The following SLC1A2 variants were observed in gnomAD, a reference collection of about 807,000 sequenced individuals.
The protein encoded by SLC1A2 is solute carrier family 1 member 2, also known as excitatory amino acid transporter 2.
A neutral mutation model predicts 48.8 loss-of-function variants in SLC1A2; 15 were observed. That is an observed-to-expected ratio of 0.31 (90% CI 0.21 to 0.47). The LOEUF (loss-of-function observed/expected upper bound fraction) is 0.47, where lower values mean the gene tolerates loss of function less well. Among genes scored for constraint, SLC1A2 ranks in the 20% least tolerant of loss-of-function variants. SLC1A2 has a pLI of 0.99. For synonymous variants in SLC1A2, 279 were observed against 272.6 expected, an observed-to-expected ratio of 1.02 and a Z score of -0.23; for missense variants, 502 against 730.5, an observed-to-expected ratio of 0.69 and a Z score of 3.61.
chr11:35,350,818 G>T (rs1393474819), intron 1 of SLC1A2, among the ~76,000 whole-genome samples: 3 of 152,196 alleles, frequency 2.0e-5, no homozygotes, highest in Non-Finnish European at 4.4e-5. Flanking sequence ...TCTCCTACCA[G>T]GCACTGAAGT....
Position 35,255,341 on chromosome 11 carries a change from G to A in SLC1A2, c.*5553C>T, listed in dbSNP as rs1020954201. On this transcript the variant is annotated 3_prime_UTR_variant, in exon 11 of 11. Transcript: ENST00000278379. ...CCCTACAAACTAATCAGGCCTTGAA[G>A]AGGGCAATGATAGTCAGAAAATTCC... 6.6e-5 allele frequency: 10 copies of A among 152,630 alleles called. No homozygotes were observed. The highest frequency in any genetic ancestry group is 3.9e-4 in the Admixed American group (6 of 15,382). 9.5% of individuals were successfully genotyped at this position (152,630 alleles called of 1,614,324 possible). A position where few individuals can be genotyped will look rare whatever the true frequency, so the allele number is the denominator to read the frequency against.
Position 35,414,095 on chromosome 11 carries a change from C to T in SLC1A2, c.17+4855G>A, listed in dbSNP as rs2756220. ...AAAGGACAATTCTTGCTCAGTGAGT[C>T]CATATTCTAAAGCAACTGTCGAGAT... On this transcript the variant is annotated intron_variant, in intron 1 of 10. Transcript: ENST00000278379. 8.5e-3 allele frequency among the ~76,000 whole-genome samples: 1,293 copies of T among 152,276 alleles called. 17 individuals are homozygous for T. Among genetic ancestry groups the T allele is most frequent in the African/African-American group, 0.029 (1,210 of 41,532 alleles).
chr11:35,418,708 A>T, intron 1 of SLC1A2: 1 of 545,548 alleles, frequency 1.8e-6, no homozygotes, highest in South Asian at 2.3e-5. Flanking sequence ...CCCCCAGCGC[A>T]CCTTACCCTT....
intron 1 of SLC1A2, among the ~76,000 whole-genome samples, chr11:35,385,286 G>A (rs941696414): frequency 5.3e-5 from 8 of 152,192 alleles, no homozygotes. Flanking sequence ...GGTAACAGCT[G>A]TTGATAATCT....
rs1472566015 is a variant in SLC1A2, at chr11:35,257,045, C to T, written c.*3849G>A. ...ACTTTTGCTATTGAGAGCAAAGGGA[C>T]GTGTAGTATTTGCAAAAACATGGCA... On this transcript the variant is annotated 3_prime_UTR_variant, in exon 11 of 11. Transcript: ENST00000278379. 1 of 152,186 alleles carries T rather than the reference C, an allele frequency of 6.6e-6. No individual in the cohort carries two copies. Among genetic ancestry groups the T allele is most frequent in the Non-Finnish European group, 1.5e-5 (1 of 68,034 alleles). The allele number at this position is 152,186 out of a possible 1,614,324, so 9.4% of individuals were successfully genotyped here. A position where few individuals can be genotyped will look rare whatever the true frequency, so the allele number is the denominator to read the frequency against.
chr11:35,344,287 C>T (rs1056933601), intron 1 of SLC1A2, among the ~76,000 whole-genome samples: 9 of 152,018 alleles, frequency 5.9e-5, no homozygotes, highest in Admixed American at 5.9e-4. Flanking sequence ...TACTGTTGAG[C>T]GGGATATTTA....
At chr11:35,403,206 T>C (rs553554752) in intron 1 of SLC1A2, among the ~76,000 whole-genome samples, 43 of 152,230 alleles carry the variant, frequency 2.8e-4, no homozygotes, top group Non-Finnish European at 5.4e-4. Context: ...ATATTGTCCT[T>C]ATTTAAAAGA....
Position 35,254,709 on chromosome 11 carries a change from C to T in SLC1A2, c.*6185G>A. On this transcript the variant is annotated 3_prime_UTR_variant, in exon 11 of 11. Coordinates refer to ENST00000278379, the MANE Select transcript of SLC1A2 (RefSeq NM_004171.4). ...AGGATTGGGGGTGTCTCCAGAGAAA[C>T]TGAGGACCTGTTGCTACCCATTCTC... 1 of 447,852 alleles carries T rather than the reference C, an allele frequency of 2.2e-6. No homozygotes were observed. The highest frequency in any genetic ancestry group is 1.6e-5 in the South Asian group (1 of 62,844). 27.7% of individuals were successfully genotyped at this position (447,852 alleles called of 1,614,324 possible). A position where few individuals can be genotyped will look rare whatever the true frequency, so the allele number is the denominator to read the frequency against.
chr11:35,380,285 C>T (rs189859967), intron 1 of SLC1A2: 21 of 398,280 alleles, frequency 5.3e-5, no homozygotes, highest in East Asian at 2.5e-4. Context: ...CTGGGTGGTT[C>T]GACTCCACCT....
chr11:35,407,225 C>G (rs1855325543), intron 1 of SLC1A2, among the ~76,000 whole-genome samples: 1 of 152,174 alleles, frequency 6.6e-6, no homozygotes, highest in Admixed American at 6.5e-5. Context: ...GTGGACTTGA[C>G]CATCTAGGCA....
At chr11:35,343,806 GCACA>G (rs199618679) in intron 1 of SLC1A2, among the ~76,000 whole-genome samples, 2 of 150,990 alleles carry the variant, frequency 1.3e-5, no homozygotes, top group African/African-American at 4.9e-5. Context: ...ACACACAGAG[GCACA>G]CACACACATT....
chr11:35,349,542 TAAAG>T (rs1019215733), intron 1 of SLC1A2, among the ~76,000 whole-genome samples: 10 of 152,118 alleles, frequency 6.6e-5, no homozygotes, highest in East Asian at 5.8e-4. Context: ...AGTGAGAAAA[TAAAG>T]AGAGAGAAGA....
At chr11:35,287,958 T>C (rs571420493) in intron 7 of SLC1A2, among the ~76,000 whole-genome samples, 1 of 152,216 alleles carries the variant, frequency 6.6e-6, no homozygotes, top group Non-Finnish European at 1.5e-5. Context: ...AAACCTGCAA[T>C]GCAGATAACA....
chr11:35,354,347 C>T (rs1853380555), intron 1 of SLC1A2, among the ~76,000 whole-genome samples: 1 of 152,082 alleles, frequency 6.6e-6, no homozygotes, highest in Non-Finnish European at 1.5e-5. Flanking sequence ...GGAGTCCCCA[C>T]TACCAGGAAG....
At chr11:35,363,237 C>G (rs542784390) in intron 1 of SLC1A2, among the ~76,000 whole-genome samples, 66 of 152,264 alleles carry the variant, frequency 4.3e-4, no homozygotes, top group African/African-American at 1.2e-3. Flanking sequence ...GTTCAGAAAG[C>G]AAAACCATCT....
At chr11:35,342,711 T>C (rs1296228314) in intron 1 of SLC1A2, among the ~76,000 whole-genome samples, 1 of 151,976 alleles carries the variant, frequency 6.6e-6, no homozygotes, top group East Asian at 1.9e-4. Context: ...GCTTGAGCCC[T>C]GGAGGTTGAG....
At chr11:35,304,370 T>C (rs1851442184) in intron 5 of SLC1A2, among the ~76,000 whole-genome samples, 1 of 152,010 alleles carries the variant, frequency 6.6e-6, no homozygotes, top group Admixed American at 6.5e-5. Context: ...TGTTTTAAGT[T>C]ATGACCCACC....
chr11:35,399,549 G>C (rs1314250143), intron 1 of SLC1A2: 1 of 948,004 alleles, frequency 1.1e-6, no homozygotes, highest in African/African-American at 1.8e-5. Context: ...CTTGAGACAA[G>C]ATAGTTACGA....
intron 1 of SLC1A2, among the ~76,000 whole-genome samples, chr11:35,410,446 T>C (rs886859618): frequency 6.6e-6 from 1 of 152,238 alleles, no homozygotes; most frequent in African/African-American, 2.4e-5. Flanking sequence ...TTACAGATGA[T>C]AGCTTTGTGG....
Sources: allele counts gnomAD v4.1 joint callset (sites outside exome capture counted in the v4.1 genomes callset), GRCh38; gene constraint gnomAD v4.1.1; transcripts MANE v1.5; gene names NCBI Gene and HGNC (gene_info 2026-07-23, HGNC 2026-07-21).